NRXN3: variants seen among roughly 807,000 people sequenced by gnomAD.
NRXN3 encodes the protein neurexin III.
A neutral mutation model predicts 137.6 loss-of-function variants in NRXN3; 32 were observed. The observed-to-expected ratio is 0.23, with a 90% CI of 0.18 to 0.31. The LOEUF is 0.31. NRXN3 is among the 10% of genes least tolerant of loss of function. The pLI, the probability that NRXN3 is intolerant of heterozygous loss-of-function variation, is 1.00. For synonymous variants in NRXN3, 798 were observed against 784.5 expected (o/e 1.02, Z -0.29); for missense variants, 1,574 against 2,062.5 (o/e 0.76, Z 4.59).
chr14:79,106,211 T>A (rs1193747756), intron 15 of NRXN3, among the ~76,000 whole-genome samples: 3 of 152,232 alleles, frequency 2.0e-5, no homozygotes, highest in Non-Finnish European at 4.4e-5. Flanking sequence ...TCAGATAGTA[T>A]AATATCAGCT....
intron 15 of NRXN3, among the ~76,000 whole-genome samples, chr14:79,423,265 A>T (rs1306402691): frequency 6.6e-6 from 1 of 152,170 alleles, no homozygotes; most frequent in African/African-American, 2.4e-5. Context: ...AACTGTGTAA[A>T]GAATTTGCCA....
chr14:78,593,849 C>T (rs1004967546), intron 4 of NRXN3, among the ~76,000 whole-genome samples: 1 of 152,152 alleles, frequency 6.6e-6, no homozygotes, highest in Non-Finnish European at 1.5e-5. Flanking sequence ...CTCTCACCAC[C>T]CCTGCTCAAC....
intron 15 of NRXN3, among the ~76,000 whole-genome samples, chr14:79,026,123 G>C: frequency 6.6e-6 from 1 of 152,150 alleles, no homozygotes; most frequent in East Asian, 1.9e-4. Context: ...CTGGAAAAAT[G>C]TGCTCAAGAA....
chr14:79,430,078 T>C (rs975458780), intron 15 of NRXN3, among the ~76,000 whole-genome samples: 1 of 152,206 alleles, frequency 6.6e-6, no homozygotes, highest in African/African-American at 2.4e-5. Context: ...TCTATCAGTA[T>C]GTACAGTAAA....
intron 15 of NRXN3, among the ~76,000 whole-genome samples, chr14:79,098,332 T>TA (rs967852179): frequency 9.2e-5 from 14 of 152,210 alleles, no homozygotes; most frequent in Admixed American, 8.5e-4. Flanking sequence ...GCATATGCTT[T>TA]AAAAAACCTA....
At chr14:79,614,597 T>G (rs2098136190) in intron 16 of NRXN3, among the ~76,000 whole-genome samples, 1 of 152,194 alleles carries the variant, frequency 6.6e-6, no homozygotes, top group South Asian at 2.1e-4. Context: ...CAAAATTAAT[T>G]ATCAGTCCTG....
intron 4 of NRXN3, among the ~76,000 whole-genome samples, chr14:78,320,727 G>T (rs1041874127): frequency 6.6e-6 from 1 of 152,198 alleles, no homozygotes; most frequent in Non-Finnish European, 1.5e-5. Context: ...CTCAAGGAAT[G>T]TGTATCTGCA....
At chr14:79,308,933 AT>A (rs1171159581) in intron 15 of NRXN3, among the ~76,000 whole-genome samples, 1,563 of 118,298 alleles carry the variant, frequency 0.013, 15 homozygotes, top group African/African-American at 0.044. Context: ...TTATTTTTTA[AT>A]TTTTTTTTTA....
intron 11 of NRXN3, among the ~76,000 whole-genome samples, chr14:78,961,441 G>T (rs1461921883): frequency 6.6e-6 from 1 of 151,942 alleles, no homozygotes; most frequent in African/African-American, 2.4e-5. Context: ...AGACACAAGA[G>T]GTGGCCTCTA....
intron 15 of NRXN3, among the ~76,000 whole-genome samples, chr14:79,370,987 G>GAGTC (rs1167446459): frequency 6.6e-6 from 1 of 152,158 alleles, no homozygotes; most frequent in African/African-American, 2.4e-5. Context: ...ATCATCCTCA[G>GAGTC]AGTCATACAG....
intron 10 of NRXN3, among the ~76,000 whole-genome samples, chr14:78,927,878 G>T (rs748470227): frequency 9.2e-5 from 14 of 152,072 alleles, no homozygotes; most frequent in Admixed American, 3.3e-4. Context: ...CTATCTCAAG[G>T]TCTCCTTTGG....
chr14:78,667,954 T>G (rs2152703430), intron 6 of NRXN3, among the ~76,000 whole-genome samples: 1 of 152,214 alleles, frequency 6.6e-6, no homozygotes, highest in Non-Finnish European at 1.5e-5. Context: ...CAGCTAATTT[T>G]TTTGTATATT....
At chr14:78,729,802 G>T (rs1337888030) in intron 8 of NRXN3, among the ~76,000 whole-genome samples, 1 of 152,160 alleles carries the variant, frequency 6.6e-6, no homozygotes, top group Non-Finnish European at 1.5e-5. Context: ...TCCTTCTCTA[G>T]ACGGGGAGCC....
intron 16 of NRXN3, among the ~76,000 whole-genome samples, chr14:79,553,001 T>C (rs771307823): frequency 1.3e-5 from 2 of 151,890 alleles, no homozygotes; most frequent in Non-Finnish European, 2.9e-5. Context: ...TAAACTTTCT[T>C]CTGGTGAGAG....
At chr14:78,702,537 G>A (rs1052307039) in intron 6 of NRXN3, among the ~76,000 whole-genome samples, 15 of 148,552 alleles carry the variant, frequency 1.0e-4, no homozygotes, top group African/African-American at 3.2e-4. Context: ...CTCCACCTCC[G>A]GAGTTCAAGT....
At chr14:79,498,036 AAAAC>A (rs562719215) in intron 16 of NRXN3, among the ~76,000 whole-genome samples, 72 of 152,266 alleles carry the variant, frequency 4.7e-4, no homozygotes, top group African/African-American at 1.6e-3. Flanking sequence ...TCTGTCTCAG[AAAAC>A]AAACAAACAA....
chr14:78,299,599 C>T (rs966143452), intron 4 of NRXN3, among the ~76,000 whole-genome samples: 2 of 152,086 alleles, frequency 1.3e-5, no homozygotes, highest in African/African-American at 4.8e-5. Context: ...CATCATAGGG[C>T]AGAGTGTGGC....
chr14:79,373,118 A>G (rs920061666), intron 15 of NRXN3, among the ~76,000 whole-genome samples: 1 of 152,144 alleles, frequency 6.6e-6, no homozygotes, highest in African/African-American at 2.4e-5. Context: ...TTTAGGTCCA[A>G]TTCTGATATG....
At chr14:78,398,700 GCT>G (rs1230377261) in intron 4 of NRXN3, among the ~76,000 whole-genome samples, 1 of 152,178 alleles carries the variant, frequency 6.6e-6, no homozygotes, top group Non-Finnish European at 1.5e-5. Context: ...AAAAGTCCTG[GCT>G]CTCTACTAGG....
Sources: gnomAD v4.1 joint callset for allele counts (sites outside exome capture counted in the v4.1 genomes callset) on GRCh38, gnomAD v4.1.1 for gene constraint, MANE v1.5 for transcripts, NCBI Gene and HGNC (gene_info 2026-07-23, HGNC 2026-07-21) for gene names.